STAG2: variants seen among roughly 807,000 people sequenced by gnomAD.
The protein encoded by STAG2 is cohesin subunit SA-2.
A neutral mutation model predicts 108.1 loss-of-function variants in STAG2; 14 were observed. The observed-to-expected ratio is 0.13, with a 90% CI of 0.09 to 0.20. The LOEUF (loss-of-function observed/expected upper bound fraction) is 0.20, where lower values mean the gene tolerates loss of function less well. STAG2 is among the 10% of genes least tolerant of loss of function. STAG2 has a pLI of 1.00. For missense variants in STAG2, 440 were observed against 940.9 expected, an observed-to-expected ratio of 0.47 and a Z score of 6.96; for synonymous variants, 307 against 302.7, an observed-to-expected ratio of 1.01 and a Z score of -0.15.
chrX:123,961,446 G>C (rs1212546270), upstream of STAG2: 1 of 109,030 alleles, frequency 9.2e-6, no homozygotes, highest in Admixed American at 9.7e-5. Flanking sequence ...GTGGGGTGGG[G>C]TGCGAGCCGT....
chrX:123,996,626 CAT>C (rs756659692), intron 1 of STAG2, among the ~76,000 whole-genome samples: 4 of 111,874 alleles, frequency 3.6e-5, no homozygotes, highest in Non-Finnish European at 7.5e-5. Context: ...TCCAGACTGT[CAT>C]ATACATGGAG....
At chrX:124,053,385 C>G (rs368367318) in intron 13 of STAG2, among the ~76,000 whole-genome samples, 4 of 111,252 alleles carry the variant, frequency 3.6e-5, no homozygotes, top group African/African-American at 1.3e-4. Flanking sequence ...TAGGAAAACT[C>G]AGTATTTAAA....
At chrX:124,084,480 G>A (rs897382507) in intron 29 of STAG2, among the ~76,000 whole-genome samples, 40 of 110,460 alleles carry the variant, frequency 3.6e-4, no homozygotes, top group African/African-American at 1.3e-3. Context: ...CACCATGCCC[G>A]GCTAATTTTG....
intron 1 of STAG2, among the ~76,000 whole-genome samples, chrX:124,011,927 T>C (rs1164409219): frequency 9.0e-6 from 1 of 111,464 alleles, no homozygotes; most frequent in Non-Finnish European, 1.9e-5. Flanking sequence ...TTTCCACGAG[T>C]TTTTGAGGGG....
chrX:124,091,055 ACT>A lies in STAG2; in HGVS notation c.3578+96_3578+97del, dbSNP rs1005234928. On this transcript the variant is annotated intron_variant, in intron 32 of 34. Transcript: ENST00000371145. Reference sequence around the variant, plus strand: ...GTGCCTTATCTAAAAATTTCAGCAAACTCTCTAGAGTAACCTAAGCTGAAATA... The same window carrying A: ...GTGCCTTATCTAAAAATTTCAGCAAACTCTAGAGTAACCTAAGCTGAAATA... 3.2e-5 allele frequency: 22 copies of A among 694,336 alleles called. No individual in the cohort carries two copies. In the African/African-American group the frequency reaches 4.2e-4, roughly 13 times the overall value. 57.2% of individuals were successfully genotyped at this position (694,336 alleles called of 1,213,427 possible).
intron 30 of STAG2, 147 bp downstream of exon 30, chrX:124,086,917 A>T: frequency 2.0e-6 from 1 of 504,390 alleles, no homozygotes; most frequent in Non-Finnish European, 3.1e-6. Context: ...TGTTGTAGGC[A>T]TTTTAGATAC....
intron 1 of STAG2, among the ~76,000 whole-genome samples, chrX:124,004,318 C>A (rs1288741914): frequency 8.9e-6 from 1 of 111,869 alleles, no homozygotes; most frequent in Non-Finnish European, 1.9e-5. Flanking sequence ...CCTTTCCCAG[C>A]TGAAACTCTA....
chrX:124,075,275 GGTTT>G lies in STAG2; in HGVS notation c.2534-1044_2534-1041del, dbSNP rs905368801. Among the ~76,000 whole-genome samples the G allele has an allele frequency of 3.6e-5, 4 of 111,808 alleles. No individual in the cohort carries two copies. The Admixed American group carries it at 3.8e-4, about 11-fold the overall frequency. On this transcript the variant is annotated intron_variant, in intron 25 of 34. Transcript: ENST00000371145. Reference sequence around the variant, plus strand: ...TTAATTTCATTTAACAAGGGATAGTGGTTTGTTTGTTTGTTTAGATGGAGTTTCA... The same window carrying G: ...TTAATTTCATTTAACAAGGGATAGTGGTTTGTTTGTTTAGATGGAGTTTCA...
At chrX:124,004,806 T>G (rs1275563614) in intron 1 of STAG2, among the ~76,000 whole-genome samples, 1 of 111,924 alleles carries the variant, frequency 8.9e-6, no homozygotes, top group Non-Finnish European at 1.9e-5. Context: ...TATAATAATT[T>G]ATGGTATGTT....
chrX:124,044,678 A>C (rs1046055976), intron 7 of STAG2, among the ~76,000 whole-genome samples: 3 of 112,044 alleles, frequency 2.7e-5, no homozygotes, highest in Non-Finnish European at 5.6e-5. Flanking sequence ...TTTCTTTAAA[A>C]AATTATGATT....
chrX:123,977,652 A>T (rs188082569), intron 1 of STAG2, among the ~76,000 whole-genome samples: 311 of 110,750 alleles, frequency 2.8e-3, no homozygotes, highest in African/African-American at 9.8e-3. Flanking sequence ...TAATGAAAAA[A>T]AATAGAAAAA....
intron 20 of STAG2, among the ~76,000 whole-genome samples, chrX:124,064,416 G>T (rs2058462287): frequency 9.1e-6 from 1 of 110,060 alleles, no homozygotes; most frequent in African/African-American, 3.3e-5. Context: ...TAAGTGTTTT[G>T]GCAGTGTAGG....
At chrX:124,041,148 G>A (rs1382223826) in intron 6 of STAG2, among the ~76,000 whole-genome samples, 1 of 109,404 alleles carries the variant, frequency 9.1e-6, no homozygotes, top group Non-Finnish European at 1.9e-5. Context: ...ACCGCACCCG[G>A]CCAAGAGTGT....
chrX:124,086,738 G>A lies in STAG2; in HGVS notation c.3245G>A (p.Arg1082Gln). 1 of 1,207,501 alleles carries A rather than the reference G, an allele frequency of 8.3e-7. No individual in the cohort carries two copies. The highest frequency in any genetic ancestry group is 1.1e-6 in the Non-Finnish European group (1 of 894,262). The change falls in exon 30 of 35, where the codon CGG (arginine) becomes CAG (glutamine). Residue 1082 changes from arginine (R) to glutamine (Q), a missense_variant. Arg to Gln is a conservative substitution (Grantham distance 43). Around this residue, in one of 3 missense-constraint regions of STAG2, gnomAD observed 337 missense variants for 649.3 expected, o/e 0.52. Transcript: ENST00000371145. ...SKKSKPSTGK[R>Q]KVVEGMQLSL... ...AAATCAAAACCATCTACAGGAAAAC[G>A]GAAAGTGGTTGAGGGCATGCAGCTT...
chrX:123,966,645 CTTGAG>C (rs2054108743), intron 1 of STAG2, among the ~76,000 whole-genome samples: 1 of 110,913 alleles, frequency 9.0e-6, no homozygotes, highest in Non-Finnish European at 1.9e-5. Context: ...TTTTCAGTCT[CTTGAG>C]TTGACTGCTT....
intron 1 of STAG2, among the ~76,000 whole-genome samples, chrX:123,977,947 G>C (rs2054702433): frequency 9.7e-6 from 1 of 102,814 alleles, no homozygotes; most frequent in Non-Finnish European, 2.0e-5. Context: ...GGCTCAAGCG[G>C]TACTCTTACC....
At chrX:123,965,656 A>G (rs2054062685) in intron 1 of STAG2, among the ~76,000 whole-genome samples, 1 of 111,844 alleles carries the variant, frequency 8.9e-6, no homozygotes, top group Non-Finnish European at 1.9e-5. Flanking sequence ...TTTATAATAG[A>G]TGGCAGACTT....
intron 26 of STAG2, among the ~76,000 whole-genome samples, chrX:124,077,546 C>T (rs2058832285): frequency 9.0e-6 from 1 of 111,583 alleles, no homozygotes; most frequent in Admixed American, 9.5e-5. Flanking sequence ...TTTTAAACTG[C>T]TCGTGGCCTG....
intron 19 of STAG2, 120 bp downstream of exon 19, chrX:124,063,325 T>C (rs893717850): frequency 9.4e-6 from 5 of 530,358 alleles, no homozygotes; most frequent in African/African-American, 2.4e-5. Flanking sequence ...AGGAAACCTA[T>C]AGCTTAGGTC....
Sources: allele counts gnomAD v4.1 joint callset (sites outside exome capture counted in the v4.1 genomes callset), GRCh38; gene constraint gnomAD v4.1.1; regional missense constraint gnomAD v4.1.1; transcripts MANE v1.5; gene names NCBI Gene and HGNC (gene_info 2026-07-23, HGNC 2026-07-21).